TANGO6: variants seen among roughly 807,000 people sequenced by gnomAD.
The protein encoded by TANGO6 is transport and Golgi organization protein 6 homolog.
TANGO6 carries 90 observed loss-of-function variants against 114.2 expected under a neutral mutation model. The ratio of observed to expected loss-of-function variants is 0.79; its 90% CI spans 0.66 to 0.94. TANGO6 has a LOEUF of 0.94. Among genes scored for constraint, TANGO6 ranks in the 40% least tolerant of loss-of-function variants. The probability of loss-of-function intolerance (pLI) is 0.00; values close to 1 mark genes in which losing one functional copy is unlikely to be tolerated. For synonymous variants in TANGO6, 477 were observed against 509.8 expected (o/e 0.94, Z 0.87); for missense variants, 1,274 against 1,315.3 (o/e 0.97, Z 0.49).
At chr16:68,960,233 A>G (rs961501842) in intron 14 of TANGO6, among the ~76,000 whole-genome samples, 3 of 150,882 alleles carry the variant, frequency 2.0e-5, no homozygotes, top group Admixed American at 1.3e-4. Context: ...ATTACTTTCA[A>G]TGCAGCAGTA....
At chr16:69,009,986 A>T (rs1407090019) in intron 15 of TANGO6, among the ~76,000 whole-genome samples, 1 of 152,188 alleles carries the variant, frequency 6.6e-6, no homozygotes, top group Non-Finnish European at 1.5e-5. Context: ...CCCCCAAATG[A>T]CTGTGCGATT....
intron 17 of TANGO6, among the ~76,000 whole-genome samples, chr16:69,072,026 C>T (rs866530583): frequency 1.1e-5 from 1 of 92,986 alleles, no homozygotes; most frequent in Non-Finnish European, 2.1e-5. Context: ...AGAGGGAGAC[C>T]GTGTGTGTGT....
At chr16:69,045,173 A>T (rs1423904061) in intron 17 of TANGO6, among the ~76,000 whole-genome samples, 1 of 144,902 alleles carries the variant, frequency 6.9e-6, no homozygotes, top group Non-Finnish European at 1.5e-5. Flanking sequence ...AAAAAAAAAA[A>T]GCTGGGCGCG....
At chr16:68,874,042 T>G (rs1228895413) in intron 4 of TANGO6, among the ~76,000 whole-genome samples, 1 of 152,240 alleles carries the variant, frequency 6.6e-6, no homozygotes, top group Non-Finnish European at 1.5e-5. Flanking sequence ...CCAGCCTTTA[T>G]GAACCGTGGG....
chr16:68,843,827 G>A, intron 1 of TANGO6, 116 bp downstream of exon 1: 4 of 943,822 alleles, frequency 4.2e-6, no homozygotes, highest in Non-Finnish European at 6.6e-6. Flanking sequence ...GGGACCCTCC[G>A]CCCGCTGCTG....
chr16:68,867,143 G>C lies in TANGO6; in HGVS notation c.917G>C (p.Gly306Ala). ...RAPAWLRRLC[G>A]QLLSERLMRP... ...CCAGCTTGGCTTCGGCGTCTATGTG[G>C]ACAGCTGCTCTCTGAAAGGTTAATG... The change falls in exon 4 of 18, where the codon GGA becomes GCA. Residue 306 changes from glycine (G) to alanine (A), a missense_variant. Gly to Ala is a moderately conservative substitution (Grantham distance 60, BLOSUM62 0). Around this residue, in one of 5 missense-constraint regions of TANGO6, gnomAD observed 908 missense variants for 910.2 expected, o/e 1.00. Transcript: ENST00000261778. The C allele has an allele frequency of 6.2e-7, 1 of 1,613,960 alleles. No homozygotes were observed. Among genetic ancestry groups the C allele is most frequent in the Non-Finnish European group, 8.5e-7 (1 of 1,179,886 alleles).
At chr16:68,873,235 C>T (rs1006843028) in intron 4 of TANGO6, among the ~76,000 whole-genome samples, 4 of 152,090 alleles carry the variant, frequency 2.6e-5, no homozygotes, top group Non-Finnish European at 5.9e-5. Flanking sequence ...CCTGTATTGG[C>T]ATTTCATACA....
chr16:68,914,452 G>T (rs970398848), intron 11 of TANGO6, among the ~76,000 whole-genome samples: 3 of 152,170 alleles, frequency 2.0e-5, no homozygotes, highest in Admixed American at 1.3e-4. Flanking sequence ...ATGACCCACC[G>T]CGCCTGGACT....
chr16:68,896,714 C>CA (rs1383563733), intron 7 of TANGO6, among the ~76,000 whole-genome samples: 1 of 152,032 alleles, frequency 6.6e-6, no homozygotes, highest in African/African-American at 2.4e-5. Context: ...AGGGAGGTGG[C>CA]AATTGTGTAT....
chr16:68,887,749 C>T (rs536704546), intron 7 of TANGO6, among the ~76,000 whole-genome samples: 16 of 151,992 alleles, frequency 1.1e-4, no homozygotes, highest in African/African-American at 2.7e-4. Flanking sequence ...CGTGGTGGCT[C>T]GTGCCTGTAA....
At chr16:68,851,196 G>A (rs1961897324) in intron 1 of TANGO6, among the ~76,000 whole-genome samples, 1 of 151,894 alleles carries the variant, frequency 6.6e-6, no homozygotes. Context: ...GTCTCGCTCT[G>A]TCTCCCAGGC....
intron 11 of TANGO6, 151 bp downstream of exon 11, chr16:68,909,553 C>T: frequency 1.5e-6 from 1 of 648,368 alleles, no homozygotes; most frequent in Non-Finnish European, 2.2e-6. Context: ...CAGCCCACAC[C>T]AGGCCACTGA....
intron 12 of TANGO6, 75 bp from the exon 13 acceptor site, chr16:68,927,493 T>C: frequency 6.6e-7 from 1 of 1,505,698 alleles, no homozygotes; most frequent in Non-Finnish European, 9.0e-7. Context: ...TCTCAGAATA[T>C]GTTTCCTGGT....
At chr16:68,873,459 G>T (rs916856712) in intron 4 of TANGO6, among the ~76,000 whole-genome samples, 1 of 151,872 alleles carries the variant, frequency 6.6e-6, no homozygotes, top group Admixed American at 6.6e-5. Flanking sequence ...GATTACAGGC[G>T]CCCACCACCA....
rs138619775 is a variant in TANGO6 at position 68,930,343 on chromosome 16, G to A, written c.2701+48G>A. On this transcript the variant is annotated intron_variant, in intron 14 of 17. Coordinates refer to ENST00000261778, the MANE Select transcript of TANGO6 (RefSeq NM_024562.2). ...ACTTTAAGTATGTGGACCAGAGACTGTATCATGTTTATTTGCACAAAATCT... is the reference window on the plus strand; with the variant it reads ...ACTTTAAGTATGTGGACCAGAGACTATATCATGTTTATTTGCACAAAATCT... 94 of 1,474,214 alleles carry A rather than the reference G, an allele frequency of 6.4e-5. No individual in the cohort carries two copies. The African/African-American group carries it at 1.2e-3, about 18-fold the overall frequency. 91.3% of individuals were successfully genotyped at this position (1,474,214 alleles called of 1,614,324 possible). A position where few individuals can be genotyped will look rare whatever the true frequency, so the allele number is the denominator to read the frequency against.
intron 14 of TANGO6, among the ~76,000 whole-genome samples, chr16:68,964,762 C>T (rs992666810): frequency 2.0e-5 from 3 of 151,466 alleles, no homozygotes; most frequent in Non-Finnish European, 2.9e-5. Flanking sequence ...GACGGGATTT[C>T]GCTATGTTGG....
chr16:68,970,914 T>C (rs916898318), intron 14 of TANGO6, among the ~76,000 whole-genome samples: 5 of 152,092 alleles, frequency 3.3e-5, no homozygotes, highest in African/African-American at 9.7e-5. Flanking sequence ...TCCCAGCACT[T>C]TGGGAGGCCG....
intron 6 of TANGO6, among the ~76,000 whole-genome samples, chr16:68,879,845 T>C (rs935444407): frequency 4.1e-4 from 62 of 152,130 alleles, no homozygotes; most frequent in Admixed American, 1.2e-3. Flanking sequence ...CTCAGTCTCC[T>C]GACCTTGTGA....
chr16:68,874,337 G>A (rs1158649763), intron 4 of TANGO6, among the ~76,000 whole-genome samples: 1 of 152,156 alleles, frequency 6.6e-6, no homozygotes, highest in East Asian at 1.9e-4. Context: ...GTCAGTGAAC[G>A]AGGGCAGTCG....
Sources: allele counts gnomAD v4.1 joint callset (sites outside exome capture counted in the v4.1 genomes callset), GRCh38; gene constraint gnomAD v4.1.1; regional missense constraint gnomAD v4.1.1; transcripts MANE v1.5; gene names NCBI Gene and HGNC (gene_info 2026-07-23, HGNC 2026-07-21).